The following EYS variants were observed in gnomAD, a reference collection of about 807,000 sequenced individuals.
EYS encodes the protein EGF-like photoreceptor maintenance factor, also known as protein eyes shut homolog.
A neutral mutation model predicts 282.1 loss-of-function variants in EYS; 250 were observed. That is an observed-to-expected ratio of 0.89 (90% CI 0.80 to 0.98). The LOEUF is 0.98. EYS is among the 50% of genes least tolerant of loss of function. The probability of loss-of-function intolerance (pLI) is 0.00; values close to 1 mark genes in which losing one functional copy is unlikely to be tolerated. For synonymous variants in EYS, 1,355 were observed against 1,282.9 expected (o/e 1.06, Z -1.20); for missense variants, 4,016 against 3,709.0 (o/e 1.08, Z -2.15).
intron 39 of EYS, among the ~76,000 whole-genome samples, chr6:63,780,694 AG>A (rs1317774665): frequency 6.6e-6 from 1 of 152,138 alleles, no homozygotes; most frequent in Non-Finnish European, 1.5e-5. Context: ...CCCATTCTGT[AG>A]GTTGCCTGTT....
At chr6:64,453,288 A>C (rs1174432026) in intron 26 of EYS, among the ~76,000 whole-genome samples, 1 of 152,222 alleles carries the variant, frequency 6.6e-6, no homozygotes. Context: ...AGAGAAATGC[A>C]AATCAAAACC....
intron 22 of EYS, among the ~76,000 whole-genome samples, chr6:64,791,624 T>A (rs1774194361): frequency 6.6e-6 from 1 of 152,028 alleles, no homozygotes; most frequent in East Asian, 1.9e-4. Flanking sequence ...GAATCAGTGA[T>A]GAATTAATTG....
intron 28 of EYS, among the ~76,000 whole-genome samples, chr6:64,393,514 G>C (rs1194122781): frequency 6.6e-6 from 1 of 152,194 alleles, no homozygotes; most frequent in Non-Finnish European, 1.5e-5. Flanking sequence ...CATATAAACA[G>C]AGTCAAAGAC....
intron 28 of EYS, among the ~76,000 whole-genome samples, chr6:64,433,041 A>T (rs573850207): frequency 2.6e-5 from 4 of 152,084 alleles, no homozygotes; most frequent in African/African-American, 7.2e-5. Flanking sequence ...TTCTTTTTCA[A>T]AAGGACCATC....
At chr6:64,745,210 A>G (rs756900255) in intron 22 of EYS, among the ~76,000 whole-genome samples, 4 of 152,188 alleles carry the variant, frequency 2.6e-5, no homozygotes, top group Non-Finnish European at 5.9e-5. Flanking sequence ...AAGCATCACA[A>G]TGACTGTTCT....
At chr6:64,993,875 TA>T (rs1205591147) in intron 14 of EYS, among the ~76,000 whole-genome samples, 2 of 151,152 alleles carry the variant, frequency 1.3e-5, no homozygotes, top group Admixed American at 1.3e-4. Flanking sequence ...GTTAAACCTG[TA>T]GTATACGTGT....
chr6:64,269,759 T>C (rs910566423), intron 30 of EYS, among the ~76,000 whole-genome samples: 2 of 152,074 alleles, frequency 1.3e-5, no homozygotes, highest in Non-Finnish European at 2.9e-5. Context: ...ATCTTTAAAT[T>C]ATATGGTTAC....
chr6:64,506,447 T>TA (rs757656441), intron 26 of EYS, among the ~76,000 whole-genome samples: 2 of 152,186 alleles, frequency 1.3e-5, no homozygotes, highest in Non-Finnish European at 1.5e-5. Flanking sequence ...CATGTACACT[T>TA]ACGCTTTGGA....
intron 7 of EYS, among the ~76,000 whole-genome samples, chr6:65,389,232 T>C (rs1391880527): frequency 1.3e-5 from 2 of 152,128 alleles, no homozygotes; most frequent in Non-Finnish European, 2.9e-5. Flanking sequence ...TGAAGGACTT[T>C]ACAAAGGCAT....
chr6:63,738,901 C>A (rs2149640391), intron 41 of EYS, among the ~76,000 whole-genome samples: 1 of 152,242 alleles, frequency 6.6e-6, no homozygotes, highest in African/African-American at 2.4e-5. Flanking sequence ...ATCGATGACT[C>A]CAGCAGGAAT....
At chr6:63,883,507 CT>C (rs773540948) in intron 35 of EYS, among the ~76,000 whole-genome samples, 2 of 152,242 alleles carry the variant, frequency 1.3e-5, no homozygotes, top group Non-Finnish European at 1.5e-5. Flanking sequence ...ATAATTGCTT[CT>C]GCCTTTAGGT....
At chr6:64,773,890 C>T (rs893950767) in intron 22 of EYS, among the ~76,000 whole-genome samples, 3 of 151,586 alleles carry the variant, frequency 2.0e-5, no homozygotes, top group African/African-American at 7.2e-5. Context: ...TGTCTGTTTA[C>T]TCTGTTGATT....
At chr6:64,356,109 A>T (rs1042812580) in intron 29 of EYS, among the ~76,000 whole-genome samples, 8 of 151,548 alleles carry the variant, frequency 5.3e-5, no homozygotes, top group African/African-American at 9.7e-5. Flanking sequence ...AAATTATAAA[A>T]TTTTTTAAAA....
At chr6:64,105,751 C>G (rs979608027) in intron 31 of EYS, among the ~76,000 whole-genome samples, 9 of 152,094 alleles carry the variant, frequency 5.9e-5, no homozygotes, top group African/African-American at 2.2e-4. Flanking sequence ...CATGTTCTTT[C>G]ATGACATGAT....
chr6:64,798,607 GTTTT>G (rs57597318), intron 22 of EYS, among the ~76,000 whole-genome samples: 29 of 106,820 alleles, frequency 2.7e-4, no homozygotes, highest in African/African-American at 8.8e-4. Context: ...TTTGTTTCTG[GTTTT>G]TTTTTTTTTT....
chr6:64,474,621 C>T (rs1314353862), intron 26 of EYS, among the ~76,000 whole-genome samples: 1 of 152,096 alleles, frequency 6.6e-6, no homozygotes, highest in African/African-American at 2.4e-5. Flanking sequence ...ATTACTAGTT[C>T]ATCAGAATTG....
chr6:64,180,217 T>C (rs1764749895), intron 31 of EYS, among the ~76,000 whole-genome samples: 1 of 152,128 alleles, frequency 6.6e-6, no homozygotes, highest in African/African-American at 2.4e-5. Context: ...CCCACTCCCT[T>C]TCCCCAAAAG....
chr6:64,836,702 C>A (rs1765393317), intron 19 of EYS, among the ~76,000 whole-genome samples: 1 of 151,508 alleles, frequency 6.6e-6, no homozygotes, highest in South Asian at 2.1e-4. Context: ...GATTGGTCTG[C>A]AATTTGTGAA....
rs201186582 is a variant in EYS at position 65,564,963 on chromosome 6, C to T, written c.-332-68970G>A. Among the ~76,000 whole-genome samples, 12 of 27,438 alleles carry T rather than the reference C, an allele frequency of 4.4e-4. 3 individuals are homozygous for T. The East Asian group carries it at 9.6e-3, about 22-fold the overall frequency. 18.0% of individuals were successfully genotyped at this position (27,438 alleles called of 152,430 possible). ...ACAACCCCATTAAAAAGTGGGTGAA[C>T]GGCCGGGCGCGGTGGCTCACGCCTG... On this transcript the variant is annotated intron_variant, in intron 2 of 42. Transcript: ENST00000503581.
Sources: allele counts gnomAD v4.1 joint callset (sites outside exome capture counted in the v4.1 genomes callset), GRCh38; gene constraint gnomAD v4.1.1; transcripts MANE v1.5; gene names NCBI Gene and HGNC (gene_info 2026-07-23, HGNC 2026-07-21).